Variants in MYO5B observed in about 807,000 individuals in gnomAD.
The protein encoded by MYO5B is unconventional myosin-Vb.
MYO5B carries 143 observed loss-of-function variants against 229.3 expected under a neutral mutation model. That is an observed-to-expected ratio of 0.62 (90% CI 0.54 to 0.72). The LOEUF is 0.72. Ranked by LOEUF, MYO5B falls within the 30% of genes least tolerant of loss-of-function variation. The pLI is 0.00. For synonymous variants in MYO5B, 918 were observed against 885.2 expected (o/e 1.04, Z -0.66); for missense variants, 2,321 against 2,331.0 (o/e 1.00, Z 0.09).
At chr18:49,931,273 G>A (rs1209589235) in intron 16 of MYO5B, among the ~76,000 whole-genome samples, 1 of 152,092 alleles carries the variant, frequency 6.6e-6, no homozygotes, top group African/African-American at 2.4e-5. Context: ...ACTCCACGTT[G>A]CACATCAGCC....
At chr18:49,867,595 G>T (rs1030879860) in intron 27 of MYO5B, among the ~76,000 whole-genome samples, 3 of 152,142 alleles carry the variant, frequency 2.0e-5, no homozygotes, top group African/African-American at 7.2e-5. Context: ...GAGAGTTTGG[G>T]TGTCTATTTC....
chr18:49,937,374 A>C lies in MYO5B; in HGVS notation c.1776T>G (p.Phe592Leu), dbSNP rs181890135. 9.9e-6 allele frequency: 16 copies of C among 1,614,054 alleles called. No individual in the cohort carries two copies. Among genetic ancestry groups the C allele is most frequent in the Admixed American group, 1.7e-5 (1 of 60,006 alleles). ...ASKFPLVADL[F>L]HDDKDPVPAT... is the part of the protein sequence containing the mutation. ...CAGGAACAGGGTCCTTGTCATCATGAAACAAGTCAGCCACTAGTGGGAACT... is the reference window on the plus strand; with the variant it reads ...CAGGAACAGGGTCCTTGTCATCATGCAACAAGTCAGCCACTAGTGGGAACT... The change falls in exon 15 of 40, where the codon TTT (phenylalanine) becomes TTG (leucine). Residue 592 changes from phenylalanine to leucine, a missense_variant. Around this residue, in one of 2 missense-constraint regions of MYO5B, gnomAD observed 2,113 missense variants for 2,044.7 expected, o/e 1.03. Coordinates refer to ENST00000285039, the MANE Select transcript of MYO5B (RefSeq NM_001080467.3).
intron 27 of MYO5B, 34 bp downstream of exon 27, chr18:49,872,133 G>A (rs760849794): frequency 6.2e-7 from 1 of 1,603,324 alleles, no homozygotes; most frequent in South Asian, 1.1e-5. Flanking sequence ...TGCCAGGGGA[G>A]TGTTCCAGGA....
chr18:50,015,985 G>A (rs1338126146), intron 4 of MYO5B, among the ~76,000 whole-genome samples: 4 of 152,154 alleles, frequency 2.6e-5, no homozygotes, highest in Admixed American at 2.6e-4. Context: ...AGCCTACCTC[G>A]AAAACCTGTT....
chr18:50,173,643 A>G (rs2032951980), intron 1 of MYO5B, among the ~76,000 whole-genome samples: 1 of 152,202 alleles, frequency 6.6e-6, no homozygotes, highest in Non-Finnish European at 1.5e-5. Flanking sequence ...TTGGAAGCTG[A>G]GCCAACAGGA....
intron 22 of MYO5B, among the ~76,000 whole-genome samples, chr18:49,893,432 C>T (rs1042816445): frequency 6.6e-6 from 1 of 152,228 alleles, no homozygotes; most frequent in African/African-American, 2.4e-5. Flanking sequence ...AGACAAACCA[C>T]AAGTGTGGTA....
intron 17 of MYO5B, among the ~76,000 whole-genome samples, chr18:49,928,037 G>C (rs1202607251): frequency 6.6e-6 from 1 of 151,624 alleles, no homozygotes; most frequent in South Asian, 2.1e-4. Context: ...ACTCAAAGTA[G>C]CACAGAAAAA....
chr18:50,193,396 G>A (rs2033254921), intron 1 of MYO5B, among the ~76,000 whole-genome samples: 1 of 152,220 alleles, frequency 6.6e-6, no homozygotes. Flanking sequence ...GACAGCCTCC[G>A]CGGCCACCTT....
At chr18:49,980,944 C>T (rs957606424) in intron 8 of MYO5B, among the ~76,000 whole-genome samples, 3 of 152,156 alleles carry the variant, frequency 2.0e-5, no homozygotes, top group African/African-American at 4.8e-5. Flanking sequence ...ATCATTTTTT[C>T]TCCAACATAA....
At chr18:49,944,147 C>T (rs1295049586) in intron 14 of MYO5B, among the ~76,000 whole-genome samples, 1 of 152,194 alleles carries the variant, frequency 6.6e-6, no homozygotes, top group East Asian at 1.9e-4. Context: ...TTATTGAGCA[C>T]GTTGACTATG....
intron 1 of MYO5B, among the ~76,000 whole-genome samples, chr18:50,111,323 T>G (rs1176638151): frequency 6.6e-6 from 1 of 152,230 alleles, no homozygotes. Context: ...ATTCTATTCA[T>G]AAAACTACAA....
rs200891104 is a variant in MYO5B at position 49,937,289 on chromosome 18, T to C, written c.1861A>G (p.Met621Val). ...TTGTGCTCCTTGTTGGAGACTTTCATGGGGGGTCTGGCAGAACGGACGCTG... is the reference window on the plus strand; with the variant it reads ...TTGTGCTCCTTGTTGGAGACTTTCACGGGGGGTCTGGCAGAACGGACGCTG... The part of the protein sequence containing the change: ...KISVRSARPP[M>V]KVSNKEHKKT... The change falls in exon 15 of 40, where the codon ATG becomes GTG. Residue 621 changes from methionine (M) to valine (V), a missense_variant. By Grantham distance (21) the Met-to-Val change is conservative. Coordinates refer to ENST00000285039, the MANE Select transcript of MYO5B (RefSeq NM_001080467.3). 269 of 1,614,020 alleles carry C rather than the reference T, an allele frequency of 1.7e-4. No homozygotes were observed. The highest frequency in any genetic ancestry group is 2.1e-4 in the Non-Finnish European group (252 of 1,180,024).
At chr18:50,139,601 C>T (rs1428328540) in intron 1 of MYO5B, among the ~76,000 whole-genome samples, 1 of 152,140 alleles carries the variant, frequency 6.6e-6, no homozygotes, top group Non-Finnish European at 1.5e-5. Flanking sequence ...TTCTGGGGAG[C>T]CCTTTGCCCA....
intron 26 of MYO5B, among the ~76,000 whole-genome samples, chr18:49,873,846 T>C (rs1232584171): frequency 1.3e-5 from 2 of 152,286 alleles, no homozygotes; most frequent in East Asian, 3.9e-4. Flanking sequence ...GCACTGACTG[T>C]AGACTGTCAT....
intron 1 of MYO5B, among the ~76,000 whole-genome samples, chr18:50,100,809 G>A (rs2031639782): frequency 6.6e-6 from 1 of 152,176 alleles, no homozygotes; most frequent in Non-Finnish European, 1.5e-5. Flanking sequence ...CAATCAATCA[G>A]AGCATGGCAA....
rs531786396 is a variant in MYO5B, at chr18:49,976,955, C to T, written c.1057-2340G>A. ...CCAAGAAATTCTTAATTGCTAGGCA[C>T]GGCACTGCAGATGGATTCCCTGACA... On this transcript the variant is annotated intron_variant, in intron 9 of 39. Coordinates refer to ENST00000285039, the MANE Select transcript of MYO5B (RefSeq NM_001080467.3). Among the ~76,000 whole-genome samples the T allele has an allele frequency of 2.4e-4, 36 of 152,292 alleles. 1 individual carries two copies. Among genetic ancestry groups the T allele is most frequent in the South Asian group, 2.3e-3 (11 of 4,826 alleles).
Position 49,864,260 on chromosome 18 carries a change from G to A in MYO5B, c.3724C>T (p.Leu1242Phe). ...SSHGSPDSYS[L>F]LLNQLKLAHE... ...GCCAGCTTGAGCTGGTTCAGCAGGAGGCTGTAGCTATCTGGGGAGCCGTGG... is the reference window on the plus strand; with the variant it reads ...GCCAGCTTGAGCTGGTTCAGCAGGAAGCTGTAGCTATCTGGGGAGCCGTGG... Residue 1242 changes from leucine to phenylalanine, a missense_variant, in exon 28 of 40, where the codon CTC (leucine) becomes TTC (phenylalanine). Leu to Phe is a conservative substitution (Grantham distance 22, BLOSUM62 0). This residue lies in a region of MYO5B where 2,113 missense variants were observed against 2,044.7 expected (regional missense o/e 1.03). Transcript: ENST00000285039. 1 of 1,614,182 alleles carries A rather than the reference G, an allele frequency of 6.2e-7. No homozygotes were observed. The highest frequency in any genetic ancestry group is 2.2e-5 in the East Asian group (1 of 44,876).
chr18:49,845,138 C>T (rs932099644), intron 33 of MYO5B, among the ~76,000 whole-genome samples: 2 of 152,164 alleles, frequency 1.3e-5, no homozygotes, highest in Admixed American at 6.5e-5. Flanking sequence ...CTGTCTGACA[C>T]AAGCAGCCTT....
chr18:50,051,056 T>C (rs1175162555), intron 2 of MYO5B, among the ~76,000 whole-genome samples: 3 of 152,224 alleles, frequency 2.0e-5, no homozygotes, highest in Admixed American at 2.0e-4. Context: ...TGTGCAGGTA[T>C]AACATGCCCA....
Sources: allele counts gnomAD v4.1 joint callset (sites outside exome capture counted in the v4.1 genomes callset), GRCh38; gene constraint gnomAD v4.1.1; regional missense constraint gnomAD v4.1.1; transcripts MANE v1.5; gene names NCBI Gene and HGNC (gene_info 2026-07-23, HGNC 2026-07-21).